Variants in PKD1L1 observed in about 807,000 individuals in gnomAD.
The protein encoded by PKD1L1 is polycystin-1-like protein 1.
Under a neutral mutation model 323.4 loss-of-function variants are expected in PKD1L1, and 236 were observed. The ratio of observed to expected loss-of-function variants is 0.73; its 90% CI spans 0.66 to 0.81. The LOEUF is 0.81. Among genes scored for constraint, PKD1L1 ranks in the 40% least tolerant of loss-of-function variants. The pLI is 0.00. For missense variants in PKD1L1, 3,320 were observed against 3,508.0 expected (o/e 0.95, Z 1.35); for synonymous variants, 1,344 against 1,335.0 (o/e 1.01, Z -0.15).
chr7:47,948,368 C>T (rs1473835512), intron 1 of PKD1L1, 29 bp downstream of exon 1: 2 of 1,613,560 alleles, frequency 1.2e-6, no homozygotes, highest in Non-Finnish European at 1.7e-6. Flanking sequence ...TCAAGCTTAC[C>T]AAACCCTCTG....
chr7:47,927,137 G>A (rs989018210), intron 7 of PKD1L1, among the ~76,000 whole-genome samples: 6 of 149,590 alleles, frequency 4.0e-5, no homozygotes, highest in Non-Finnish European at 8.9e-5. Context: ...TTCTAACTAT[G>A]ACATAAAACT....
intron 10 of PKD1L1, among the ~76,000 whole-genome samples, chr7:47,905,529 T>C (rs910437997): frequency 2.6e-5 from 4 of 152,202 alleles, no homozygotes; most frequent in Admixed American, 6.5e-5. Context: ...CCCAAAGTGC[T>C]TGCACAGGAG....
chr7:47,900,816 T>C (rs988568572), intron 13 of PKD1L1, among the ~76,000 whole-genome samples: 2 of 152,222 alleles, frequency 1.3e-5, no homozygotes, highest in Non-Finnish European at 2.9e-5. Context: ...ATAATCTTTA[T>C]GTATGATTTA....
rs996313191 is a variant in PKD1L1 at position 47,839,381 on chromosome 7, A to T, written c.5769+65T>A. The T allele has an allele frequency of 1.5e-6, 2 of 1,357,270 alleles. No homozygotes were observed. Among genetic ancestry groups the T allele is most frequent in the African/African-American group, 2.9e-5 (2 of 69,776 alleles). The allele number at this position is 1,357,270 out of a possible 1,614,324, so 84.1% of individuals were successfully genotyped here. A position where few individuals can be genotyped will look rare whatever the true frequency, so the allele number is the denominator to read the frequency against. ...GACACAACTGTGGCAAGCGAAGCAGAGACAGGTGCCATGCTCTGCCGGTCA... is the reference window on the plus strand; with the variant it reads ...GACACAACTGTGGCAAGCGAAGCAGTGACAGGTGCCATGCTCTGCCGGTCA... On this transcript the variant is annotated intron_variant, in intron 36 of 56. Transcript: ENST00000289672. The surrounding 1 kb of genome is among the most constrained non-coding windows in gnomAD (Gnocchi z 4.3).
At chr7:47,786,844 T>C (rs1277017242) in intron 56 of PKD1L1, among the ~76,000 whole-genome samples, 5 of 151,794 alleles carry the variant, frequency 3.3e-5, no homozygotes, top group Non-Finnish European at 5.9e-5. Context: ...CTCTTCGGGG[T>C]CCAAGGCTAC....
At chr7:47,845,735 G>T (rs897844541) in intron 32 of PKD1L1, among the ~76,000 whole-genome samples, 1 of 152,050 alleles carries the variant, frequency 6.6e-6, no homozygotes, top group Non-Finnish European at 1.5e-5. Context: ...GATTGCAGGT[G>T]TGTGCCCATC....
At chr7:47,829,977 T>A (rs939220354) in intron 43 of PKD1L1, 63 bp downstream of exon 43, 3 of 1,465,760 alleles carry the variant, frequency 2.0e-6, no homozygotes, top group Non-Finnish European at 2.9e-6. Flanking sequence ...AGCCTCTATT[T>A]CCCCTTCCCA....
rs929630010 is a variant in PKD1L1, at chr7:47,946,611, T to C, written c.44+1786A>G. Among the ~76,000 whole-genome samples, 3 of 145,486 alleles carry C rather than the reference T, an allele frequency of 2.1e-5. No homozygotes were observed. The highest frequency in any genetic ancestry group is 5.1e-5 in the African/African-American group (2 of 39,044). ...TACCCCACTCATACCATACCACACA[T>C]ACACCACACACTACACACAGACCAC... On this transcript the variant is annotated intron_variant, in intron 1 of 56. Coordinates refer to ENST00000289672, the MANE Select transcript of PKD1L1 (RefSeq NM_138295.5). The surrounding 1 kb of genome is among the most constrained non-coding windows in gnomAD (Gnocchi z 4.1).
rs762939728 is a variant in PKD1L1, at chr7:47,830,065, C to T, written c.6533G>A (p.Cys2178Tyr). Residue 2178 changes from cysteine to tyrosine, a missense_variant, in exon 43 of 57, where the codon TGT becomes TAT. Transcript: ENST00000289672. ...CATAAGTGGCTGGGTGATGAAAATA[C>T]AGCAGACCACGGAGAGGGACAGCAG... ...LHLLSLSVVC[C>Y]IFITQPLMVC... is the part of the protein sequence containing the mutation. 8 of 1,614,068 alleles carry T rather than the reference C, an allele frequency of 5.0e-6. No homozygotes were observed. In the African/African-American group the frequency reaches 9.3e-5, roughly 19 times the overall value.
At chr7:47,855,875 C>CAAAAAAAAA (rs536157879) in intron 28 of PKD1L1, among the ~76,000 whole-genome samples, 4 of 32,548 alleles carry the variant, frequency 1.2e-4, no homozygotes, top group African/African-American at 2.7e-4. Context: ...GACTCCGTCT[C>CAAAAAAAAA]AAAAAAAAAA....
In PKD1L1 at chr7:47,808,278, A is replaced by G. The variant is rs1160137088; in HGVS notation, c.7796T>C (p.Met2599Thr). The G allele has an allele frequency of 6.2e-7, 1 of 1,614,196 alleles. No individual in the cohort carries two copies. ...CCATGATGCCATAAGGGTGAGGTCCATAAATGCTCGGCAAAGTCCTCTGTG... is the reference window on the plus strand; with the variant it reads ...CCATGATGCCATAAGGGTGAGGTCCGTAAATGCTCGGCAAAGTCCTCTGTG... ...QFHRGLCRAF[M>T]DLTLMASWNQ... The change falls in exon 52 of 57, where the codon ATG (methionine) becomes ACG (threonine). Residue 2599 changes from methionine (M) to threonine (T), a missense_variant. Coordinates refer to ENST00000289672, the MANE Select transcript of PKD1L1 (RefSeq NM_138295.5).
Position 47,813,311 on chromosome 7 carries a change from A to G in PKD1L1, c.7174-18T>C, listed in dbSNP as rs762058367. 6.2e-7 allele frequency: 1 copy of G among 1,613,532 alleles called. No homozygotes were observed. Among genetic ancestry groups the G allele is most frequent in the Admixed American group, 1.7e-5 (1 of 59,960 alleles). On this transcript the variant is annotated intron_variant, in intron 48 of 56. Coordinates refer to ENST00000289672, the MANE Select transcript of PKD1L1 (RefSeq NM_138295.5). ...CTGGGAGGCTGCAGAACAAACCAGC[A>G]GTCAGAAGACACAGATACTATTCCC...
At chr7:47,902,618 G>C in intron 12 of PKD1L1, 107 bp from the exon 13 acceptor site, 2 of 1,316,172 alleles carry the variant, frequency 1.5e-6, no homozygotes, top group Non-Finnish European at 2.1e-6. Flanking sequence ...GTATTTGACA[G>C]CAAGTCATCC....
chr7:47,796,551 T>TG (rs1217755256), intron 54 of PKD1L1, among the ~76,000 whole-genome samples: 2 of 152,204 alleles, frequency 1.3e-5, no homozygotes, highest in Non-Finnish European at 2.9e-5. Context: ...GAAAGGGTCT[T>TG]GGGCTCAGCA....
rs867577410 is a variant in PKD1L1 at position 47,866,520 on chromosome 7, T to G, written c.3991A>C (p.Ser1331Arg). 2 of 1,614,108 alleles carry G rather than the reference T, an allele frequency of 1.2e-6. No individual in the cohort carries two copies. The highest frequency in any genetic ancestry group is 1.7e-4 in the Middle Eastern group (1 of 6,060). Residue 1331 changes from serine (S) to arginine (R), a missense_variant, in exon 25 of 57, where the codon AGT becomes CGT. Physicochemically the swap from Ser to Arg is moderately radical, Grantham distance 110 (BLOSUM62 -1). Coordinates refer to ENST00000289672, the MANE Select transcript of PKD1L1 (RefSeq NM_138295.5). ...NYITVITRILSRLSKEDKTAS... is the reference protein window; with the variant it reads ...NYITVITRILRRLSKEDKTAS... The stretch of plus-strand genomic sequence containing the variant: ...GTTTTGTCCTCCTTAGACAAACGAC[T>G]CAGGATTCTGGTGATCACAGTGATG...
In PKD1L1 at chr7:47,842,944, C is replaced by T; in HGVS notation, c.5445+18G>A. 6.2e-7 allele frequency: 1 copy of T among 1,606,240 alleles called. No individual in the cohort carries two copies. Among genetic ancestry groups the T allele is most frequent in the Non-Finnish European group, 8.5e-7 (1 of 1,175,970 alleles). ...TGCTTAGACACCATCAAAGAGTACC[C>T]CCAGATGCTCGAGCTACCTTTGAGG... On this transcript the variant is annotated intron_variant, in intron 34 of 56. Transcript: ENST00000289672.
intron 55 of PKD1L1, among the ~76,000 whole-genome samples, chr7:47,794,680 T>C (rs1013537888): frequency 6.6e-6 from 1 of 152,104 alleles, no homozygotes; most frequent in African/African-American, 2.4e-5. Context: ...ACTTGCACTG[T>C]GCACCTGGAA....
intron 19 of PKD1L1, 140 bp downstream of exon 19, chr7:47,884,458 A>G: frequency 1.3e-6 from 1 of 746,990 alleles, no homozygotes; most frequent in Non-Finnish European, 2.3e-6. Context: ...AGACCGTGCC[A>G]TGTAAGAGTT....
intron 55 of PKD1L1, 45 bp from the exon 56 acceptor site, chr7:47,792,842 A>C: frequency 2.3e-5 from 35 of 1,527,548 alleles, no homozygotes; most frequent in Non-Finnish European, 2.8e-5. Context: ...CAAGAATCTC[A>C]TTATCCCCCT....
Sources: gnomAD v4.1 joint callset for allele counts (sites outside exome capture counted in the v4.1 genomes callset) on GRCh38, gnomAD v4.1.1 for gene constraint, Gnocchi (gnomAD v3.1) non-coding constraint, MANE v1.5 for transcripts, NCBI Gene and HGNC (gene_info 2026-07-23, HGNC 2026-07-21) for gene names.